The following PPP6R3 variants were observed in gnomAD, a reference collection of about 807,000 sequenced individuals.
PPP6R3 encodes protein phosphatase 6 regulatory subunit 3.
Under a neutral mutation model 110.7 loss-of-function variants are expected in PPP6R3, and 38 were observed. That is an observed-to-expected ratio of 0.34 (90% CI 0.26 to 0.45). The LOEUF is 0.45. Ranked by LOEUF, PPP6R3 falls within the 20% of genes least tolerant of loss-of-function variation. PPP6R3 has a pLI of 1.00. For synonymous variants in PPP6R3, 369 were observed against 373.5 expected (o/e 0.99, Z 0.14); for missense variants, 870 against 1,062.4 (o/e 0.82, Z 2.52).
At chr11:68,588,414 G>A (rs2099585472) in intron 16 of PPP6R3, among the ~76,000 whole-genome samples, 4 of 152,048 alleles carry the variant, frequency 2.6e-5, no homozygotes, top group Admixed American at 2.6e-4. Flanking sequence ...GTTGTAGTGA[G>A]CTGAGATGTG....
chr11:68,496,740 G>T (rs1222640630), intron 1 of PPP6R3, among the ~76,000 whole-genome samples: 1 of 151,964 alleles, frequency 6.6e-6, no homozygotes, highest in African/African-American at 2.4e-5. Flanking sequence ...TAAAGTACTG[G>T]GATTACAATT....
intron 12 of PPP6R3, 122 bp from the exon 13 acceptor site, chr11:68,573,987 C>T (rs2099520576): frequency 1.5e-6 from 1 of 654,320 alleles, no homozygotes; most frequent in Non-Finnish European, 2.7e-6. Context: ...TTCTGTCCAT[C>T]GTCATTTTCT....
In PPP6R3 at chr11:68,603,423, T is replaced by C; in HGVS notation, c.2381T>C (p.Met794Thr). The change falls in exon 22 of 24, where the codon ATG (methionine) becomes ACG (threonine). Residue 794 changes from methionine to threonine, a missense_variant. Coordinates refer to ENST00000393800, the MANE Select transcript of PPP6R3 (RefSeq NM_001164161.2). ...ESTDKVTETVMNGGMKETLSL... is the reference protein window; with the variant it reads ...ESTDKVTETVTNGGMKETLSL... ...ACAGACAAGGTAACTGAGACAGTGA[T>C]GAATGGCGGCATGAAGGAAACGCTC... 1 of 1,614,088 alleles carries C rather than the reference T, an allele frequency of 6.2e-7. No individual in the cohort carries two copies. Among genetic ancestry groups the C allele is most frequent in the Admixed American group, 1.7e-5 (1 of 60,004 alleles).
Position 68,585,110 on chromosome 11 carries a change from G to A in PPP6R3, c.1632+1981G>A, listed in dbSNP as rs147818233. On this transcript the variant is annotated intron_variant, in intron 15 of 23. Transcript: ENST00000393800. The stretch of plus-strand genomic sequence containing the variant: ...TAATTTAACCAGGTAACCCAGCCAC[G>A]TCACCAGTGGGGAGTGCCTCCAGGC... Among the ~76,000 whole-genome samples, 87 of 152,282 alleles carry A rather than the reference G, an allele frequency of 5.7e-4. 1 individual carries two copies. The highest frequency in any genetic ancestry group is 2.0e-3 in the African/African-American group (82 of 41,560).
chr11:68,471,499 C>T (rs1260792821), intron 1 of PPP6R3, among the ~76,000 whole-genome samples: 2 of 151,976 alleles, frequency 1.3e-5, no homozygotes, highest in Non-Finnish European at 1.5e-5. Context: ...AGATAAGGAC[C>T]AAGACTCGTC....
intron 1 of PPP6R3, among the ~76,000 whole-genome samples, chr11:68,477,347 T>C (rs1161122521): frequency 1.3e-5 from 2 of 152,098 alleles, no homozygotes; most frequent in African/African-American, 2.4e-5. Flanking sequence ...CATAACCCCA[T>C]TGTAAGTTGA....
chr11:68,539,920 G>A (rs1015401589), intron 3 of PPP6R3, among the ~76,000 whole-genome samples: 2 of 152,192 alleles, frequency 1.3e-5, no homozygotes, highest in African/African-American at 4.8e-5. Flanking sequence ...TGCCAGGTGG[G>A]CACTTACAAC....
In PPP6R3 at chr11:68,614,682, T is replaced by C; in HGVS notation, c.*1565T>C. ...GGACAGTGGAGTCAGCAGTAAGCCC[T>C]GGGACAGGTGGCAAGGGTGGGTCCC... On this transcript the variant is annotated 3_prime_UTR_variant, in exon 24 of 24. Coordinates refer to ENST00000393800, the MANE Select transcript of PPP6R3 (RefSeq NM_001164161.2). 3 of 1,524,262 alleles carry C rather than the reference T, an allele frequency of 2.0e-6. No individual in the cohort carries two copies. In the South Asian group the frequency reaches 3.8e-5, roughly 19 times the overall value. The allele number at this position is 1,524,262 out of a possible 1,614,324, so 94.4% of individuals were successfully genotyped here. A position where few individuals can be genotyped will look rare whatever the true frequency, so the allele number is the denominator to read the frequency against.
chr11:68,466,052 C>G (rs899584968), intron 1 of PPP6R3, among the ~76,000 whole-genome samples: 1 of 152,190 alleles, frequency 6.6e-6, no homozygotes, highest in South Asian at 2.1e-4. Context: ...CTCTCTGGTT[C>G]CAGACCCGTC....
chr11:68,554,389 G>C (rs1191848532), intron 7 of PPP6R3, 132 bp downstream of exon 7: 31 of 596,994 alleles, frequency 5.2e-5, no homozygotes, highest in Non-Finnish European at 8.1e-5. Context: ...TGGGTGAGAA[G>C]GTAGGGAAAC....
At chr11:68,595,981 T>C in intron 18 of PPP6R3, 116 bp from the exon 19 acceptor site, 3 of 1,316,624 alleles carry the variant, frequency 2.3e-6, no homozygotes, top group Non-Finnish European at 3.2e-6. Context: ...CTCAGACAGA[T>C]GTGATCCTGC....
At chr11:68,523,595 G>T (rs548738687) in intron 2 of PPP6R3, among the ~76,000 whole-genome samples, 3 of 151,870 alleles carry the variant, frequency 2.0e-5, no homozygotes, top group Non-Finnish European at 2.9e-5. Context: ...TCAGTACCTT[G>T]GGGGGATCTG....
intron 7 of PPP6R3, among the ~76,000 whole-genome samples, chr11:68,556,549 AC>A (rs2099400251): frequency 6.7e-6 from 1 of 149,114 alleles, no homozygotes; most frequent in Non-Finnish European, 1.5e-5. Context: ...AAAAAAAAAA[AC>A]GAAAAAAAAA....
At position 68,569,850 on chromosome 11, in the gene PPP6R3, A is replaced by T. The variant is rs781258774; in HGVS notation, c.1231A>T (p.Thr411Ser). 7 of 1,612,570 alleles carry T rather than the reference A, an allele frequency of 4.3e-6. No homozygotes were observed. In the African/African-American group the frequency reaches 6.7e-5, roughly 15 times the overall value. The part of the protein sequence containing the change: ...ASPFENTENA[T>S]ITDQDSTGDN... The stretch of plus-strand genomic sequence containing the variant: ...TCCTTTTGAAAACACAGAAAATGCC[A>T]CAATTACCGATCAAGACTCCACTGG... Residue 411 changes from threonine (T) to serine (S), a missense_variant, in exon 11 of 24, where the codon ACA (threonine) becomes TCA (serine). Coordinates refer to ENST00000393800, the MANE Select transcript of PPP6R3 (RefSeq NM_001164161.2).
intron 7 of PPP6R3, among the ~76,000 whole-genome samples, chr11:68,557,204 G>A (rs577431936): frequency 1.3e-4 from 20 of 152,350 alleles, no homozygotes; most frequent in African/African-American, 4.1e-4. Flanking sequence ...TGTGTGTTAA[G>A]TGACTTTTAT....
At position 68,600,428 on chromosome 11, in the gene PPP6R3, C is replaced by G; in HGVS notation, c.2126C>G (p.Thr709Arg). ...TCTGTGGGATCTGATGTCTGGAGCA[C>G]AGAGGAGCCGATGCCAACTAAAGAG... is the stretch of plus-strand genomic sequence containing the variant. Reference protein sequence around the residue: ...LDSVGSDVWSTEEPMPTKETG... With the variant: ...LDSVGSDVWSREEPMPTKETG... The change falls in exon 20 of 24, where the codon ACA (threonine) becomes AGA (arginine). Residue 709 changes from threonine (T) to arginine (R), a missense_variant. Thr to Arg is a moderately conservative substitution (Grantham distance 71). Coordinates refer to ENST00000393800, the MANE Select transcript of PPP6R3 (RefSeq NM_001164161.2). 6.2e-7 allele frequency: 1 copy of G among 1,614,192 alleles called. No individual in the cohort carries two copies. Among genetic ancestry groups the G allele is most frequent in the Non-Finnish European group, 8.5e-7 (1 of 1,180,028 alleles).
intron 7 of PPP6R3, among the ~76,000 whole-genome samples, chr11:68,554,916 A>G (rs956016830): frequency 7.2e-5 from 11 of 152,158 alleles, no homozygotes; most frequent in Non-Finnish European, 1.5e-4. Context: ...GTTTACTTCT[A>G]TTGTTGTTTT....
intron 11 of PPP6R3, 26 bp from the exon 12 acceptor site, chr11:68,571,014 T>C: frequency 6.3e-7 from 1 of 1,586,828 alleles, no homozygotes; most frequent in African/African-American, 1.4e-5. Context: ...AAGTATTAAC[T>C]GGAATATTCT....
rs533419942 is a variant in PPP6R3 at position 68,560,458 on chromosome 11, T to C, written c.845+1779T>C. Reference sequence around the variant, plus strand: ...TGCATTAAACAGATTCAGCAGTTTATATGTGATGGACAACTTCCTTAGAGG... The same window carrying C: ...TGCATTAAACAGATTCAGCAGTTTACATGTGATGGACAACTTCCTTAGAGG... On this transcript the variant is annotated intron_variant, in intron 8 of 23. Coordinates refer to ENST00000393800, the MANE Select transcript of PPP6R3 (RefSeq NM_001164161.2). Among the ~76,000 whole-genome samples the C allele has an allele frequency of 3.3e-5, 5 of 152,356 alleles. 1 individual carries two copies. In the South Asian group the frequency reaches 1.0e-3, roughly 32 times the overall value.
Sources: allele counts gnomAD v4.1 joint callset (sites outside exome capture counted in the v4.1 genomes callset), GRCh38; gene constraint gnomAD v4.1.1; transcripts MANE v1.5; gene names NCBI Gene and HGNC (gene_info 2026-07-23, HGNC 2026-07-21).